Variants in ABL2 observed in about 807,000 individuals in gnomAD.
ABL2 encodes the protein tyrosine-protein kinase ABL2.
A neutral mutation model predicts 107.7 loss-of-function variants in ABL2; 49 were observed. The ratio of observed to expected loss-of-function variants is 0.45; its 90% CI spans 0.36 to 0.58. ABL2 has a LOEUF of 0.58. Among genes scored for constraint, ABL2 ranks in the 20% least tolerant of loss-of-function variants. The pLI is 0.00. For synonymous variants in ABL2, 549 were observed against 548.6 expected (o/e 1.00, Z -0.01); for missense variants, 1,245 against 1,457.0 (o/e 0.85, Z 2.37).
chr1:179,168,112 A>G (rs1659501754), intron 1 of ABL2, among the ~76,000 whole-genome samples: 1 of 152,242 alleles, frequency 6.6e-6, no homozygotes, highest in African/African-American at 2.4e-5. Context: ...ATGGTAAGTA[A>G]CAAATTCCTG....
intron 1 of ABL2, 34 bp downstream of exon 1, chr1:179,229,207 C>CCCCCCCCCCCCCCCAA: frequency 6.7e-6 from 10 of 1,485,446 alleles, no homozygotes; most frequent in East Asian, 5.6e-5. Context: ...CCGGCCTCCC[C>CCCCCCCCCCCCCCCAA]CACGCTCTCA....
intron 1 of ABL2, among the ~76,000 whole-genome samples, chr1:179,141,864 G>A (rs1010736135): frequency 1.3e-5 from 2 of 152,134 alleles, no homozygotes; most frequent in Non-Finnish European, 2.9e-5. Context: ...CTGAAGCTAA[G>A]AACGAACATA....
rs1368913915 is a variant in ABL2 at position 179,126,935 on chromosome 1, A to C, written c.392-263T>G. 6.6e-6 allele frequency among the ~76,000 whole-genome samples: 1 copy of C among 152,192 alleles called. No individual in the cohort carries two copies. Among genetic ancestry groups the C allele is most frequent in the Non-Finnish European group, 1.5e-5 (1 of 68,046 alleles). On this transcript the variant is annotated intron_variant, in intron 3 of 11. Coordinates refer to ENST00000502732, the MANE Select transcript of ABL2 (RefSeq NM_007314.4). This position sits in a 1 kb window ranked among gnomAD's most constrained non-coding sequence, Gnocchi z 4.4. ...ACAGGGTTTTAAAAGTCTATATACA[A>C]CTTAAAAAATATCCTTAAGAAATTC... is the stretch of plus-strand genomic sequence containing the variant.
At chr1:179,119,558 G>GAA (rs540402752) in intron 6 of ABL2, among the ~76,000 whole-genome samples, 449 of 121,616 alleles carry the variant, frequency 3.7e-3, no homozygotes, top group African/African-American at 0.012. Flanking sequence ...CCAAAAAAAA[G>GAA]AAAAAAAAAA....
intron 1 of ABL2, among the ~76,000 whole-genome samples, chr1:179,174,920 A>AAAAAAAAAAAAAAAT (rs1659958398): frequency 1.6e-5 from 2 of 122,870 alleles, no homozygotes; most frequent in Non-Finnish European, 3.3e-5. Flanking sequence ...AAAATAAAAA[A>AAAAAAAAAAAAAAAT]AATAATAATA....
chr1:179,148,557 CCT>C (rs1053370741), intron 1 of ABL2, among the ~76,000 whole-genome samples: 1 of 152,098 alleles, frequency 6.6e-6, no homozygotes, highest in Non-Finnish European at 1.5e-5. Context: ...CAGCTGTTTC[CCT>C]GTCTCACTCC....
At chr1:179,203,469 G>A (rs976607534) in intron 1 of ABL2, among the ~76,000 whole-genome samples, 2 of 151,794 alleles carry the variant, frequency 1.3e-5, no homozygotes, top group Non-Finnish European at 2.9e-5. Context: ...TAACTTTCCT[G>A]GATCATCCCT....
rs375116317 is a variant in ABL2 at position 179,126,760 on chromosome 1, TA to T, written c.392-89del. ...GTGTACTGTCAAACTTTAAACTCAT[TA>T]AAAAAAAAAAAGAATCTAGAACTTT... On this transcript the variant is annotated intron_variant, in intron 3 of 11. Transcript: ENST00000502732. This position sits in a 1 kb window ranked among gnomAD's most constrained non-coding sequence, Gnocchi z 4.4. 82,186 of 905,126 alleles carry T rather than the reference TA, an allele frequency of 0.091. 30 individuals are homozygous for T. The highest frequency in any genetic ancestry group is 0.11 in the East Asian group (2,919 of 27,630). The allele number at this position is 905,126 out of a possible 1,614,324, so 56.1% of individuals were successfully genotyped here. A position where few individuals can be genotyped will look rare whatever the true frequency, so the allele number is the denominator to read the frequency against.
chr1:179,223,479 C>T (rs1388939729), intron 1 of ABL2, among the ~76,000 whole-genome samples: 1 of 151,116 alleles, frequency 6.6e-6, no homozygotes, highest in African/African-American at 2.4e-5. Flanking sequence ...AAGACCCTTA[C>T]AGAGAAACTT....
Position 179,131,438 on chromosome 1 carries a change from T to G in ABL2, c.264A>C (p.Ala88=). 6.2e-7 allele frequency: 1 copy of G among 1,614,104 alleles called. No homozygotes were observed. The highest frequency in any genetic ancestry group is 1.1e-5 in the South Asian group (1 of 91,074). ...AGCTCCACCTGATAGCCTCATTTAG[T>G]GCCTGGGGTTCAACATCACAACCAT... The part of the protein sequence containing the change: ...RPYGCDVEPQ[A]LNEAIRWSSK... Residue 88 remains alanine, a synonymous_variant, in exon 3 of 12, where the codon GCA becomes GCC. Transcript: ENST00000502732.
At chr1:179,155,595 G>T (rs1346342151) in intron 1 of ABL2, among the ~76,000 whole-genome samples, 1 of 151,988 alleles carries the variant, frequency 6.6e-6, no homozygotes, top group Non-Finnish European at 1.5e-5. Context: ...GCCAGGCGTG[G>T]TGGCATATGC....
At chr1:179,137,504 GTTTA>G (rs1345301941) in intron 1 of ABL2, among the ~76,000 whole-genome samples, 2 of 152,034 alleles carry the variant, frequency 1.3e-5, no homozygotes, top group African/African-American at 2.4e-5. Context: ...ATGATTATCA[GTTTA>G]TTTAATTATT....
chr1:179,167,472 A>G (rs1374094599), intron 1 of ABL2, among the ~76,000 whole-genome samples: 1 of 152,220 alleles, frequency 6.6e-6, no homozygotes, highest in Non-Finnish European at 1.5e-5. Flanking sequence ...AATGTTCATT[A>G]ACAGAGTGAA....
intron 7 of ABL2, among the ~76,000 whole-genome samples, chr1:179,117,817 T>C (rs548074473): frequency 9.2e-5 from 14 of 152,248 alleles, no homozygotes; most frequent in African/African-American, 3.4e-4. Flanking sequence ...CAGAAAACTA[T>C]TTTAAAAATT....
At chr1:179,190,070 G>T (rs1660912457) in intron 1 of ABL2, among the ~76,000 whole-genome samples, 1 of 152,034 alleles carries the variant, frequency 6.6e-6, no homozygotes, top group African/African-American at 2.4e-5. Context: ...GCCCACCTCG[G>T]CCTCCCAAAG....
chr1:179,223,201 C>T (rs1461219353), intron 1 of ABL2, among the ~76,000 whole-genome samples: 1 of 150,896 alleles, frequency 6.6e-6, no homozygotes, highest in African/African-American at 2.4e-5. Context: ...ATCACTTGAG[C>T]CTAGGAATTT....
rs971511083 is a variant in ABL2, at chr1:179,214,312, CA to C, written c.157+14928del. Among the ~76,000 whole-genome samples, 210 of 151,950 alleles carry C rather than the reference CA, an allele frequency of 1.4e-3. 1 individual carries two copies. The highest frequency in any genetic ancestry group is 4.9e-3 in the African/African-American group (203 of 41,492). On this transcript the variant is annotated intron_variant, in intron 1 of 11. Transcript: ENST00000502732. ...TTAACCTATAATTTGATATGACCAT[CA>C]AAATCTCCTAAATCTTAACAACATA...
At chr1:179,222,453 C>T (rs1266572254) in intron 1 of ABL2, among the ~76,000 whole-genome samples, 3 of 151,754 alleles carry the variant, frequency 2.0e-5, no homozygotes, top group Non-Finnish European at 2.9e-5. Flanking sequence ...TACAGTAGCA[C>T]GATCTCGGCT....
chr1:179,150,539 A>C (rs1272504443), intron 1 of ABL2, among the ~76,000 whole-genome samples: 1 of 152,240 alleles, frequency 6.6e-6, no homozygotes, highest in African/African-American at 2.4e-5. Context: ...GAATTGTTGC[A>C]ATCTCATGAC....
Sources: allele counts gnomAD v4.1 joint callset (sites outside exome capture counted in the v4.1 genomes callset), GRCh38; gene constraint gnomAD v4.1.1; non-coding constraint Gnocchi (gnomAD v3.1); transcripts MANE v1.5; gene names NCBI Gene and HGNC (gene_info 2026-07-23, HGNC 2026-07-21).